FAM3C: variants seen among roughly 807,000 people sequenced by gnomAD.
FAM3C encodes FAM3 metabolism regulating signaling molecule C.
FAM3C carries 15 observed loss-of-function variants against 32.5 expected under a neutral mutation model. The ratio of observed to expected loss-of-function variants is 0.46; its 90% CI spans 0.31 to 0.71. The LOEUF is 0.71. Among genes scored for constraint, FAM3C ranks in the 30% least tolerant of loss-of-function variants. FAM3C has a pLI of 0.05. For synonymous variants in FAM3C, 75 were observed against 86.1 expected (o/e 0.87, Z 0.72); for missense variants, 175 against 274.4 (o/e 0.64, Z 2.56).
intron 8 of FAM3C, among the ~76,000 whole-genome samples, chr7:121,356,453 C>T (rs141420402): frequency 1.3e-5 from 2 of 152,184 alleles, no homozygotes; most frequent in Non-Finnish European, 2.9e-5. Flanking sequence ...TTGGGGAATA[C>T]ACTTACTGTT....
In FAM3C at chr7:121,356,527, A is replaced by C. The variant is rs879461321; in HGVS notation, c.467+3516T>G. Among the ~76,000 whole-genome samples, 40 of 152,228 alleles carry C rather than the reference A, an allele frequency of 2.6e-4. 1 individual carries two copies. The highest frequency in any genetic ancestry group is 2.6e-3 in the Admixed American group (40 of 15,278). On this transcript the variant is annotated intron_variant, in intron 8 of 9. Transcript: ENST00000359943. ...GAATTTAGAGGGAGACCACTCTGAGAATGTAACACTGTACTGTGAATATTT... is the reference window on the plus strand; with the variant it reads ...GAATTTAGAGGGAGACCACTCTGAGCATGTAACACTGTACTGTGAATATTT...
intron 3 of FAM3C, among the ~76,000 whole-genome samples, chr7:121,374,716 ACACTT>A (rs766974426): frequency 3.7e-4 from 57 of 152,370 alleles, no homozygotes; most frequent in Non-Finnish European, 6.9e-4. Context: ...ACAAAGTACT[ACACTT>A]CAGTTTTGAC....
chr7:121,373,323 C>T (rs1794183324), intron 3 of FAM3C, among the ~76,000 whole-genome samples: 1 of 152,066 alleles, frequency 6.6e-6, no homozygotes, highest in Non-Finnish European at 1.5e-5. Flanking sequence ...CATTTTTATC[C>T]AATACACATC....
At chr7:121,358,989 A>G (rs1793870238) in intron 8 of FAM3C, among the ~76,000 whole-genome samples, 1 of 151,992 alleles carries the variant, frequency 6.6e-6, no homozygotes, top group South Asian at 2.1e-4. Context: ...CAAAAGAAAA[A>G]AAAACCACTT....
In FAM3C at chr7:121,350,311, C is replaced by A. The variant is rs1793678317; in HGVS notation, c.*150G>T. The A allele has an allele frequency of 4.5e-6, 3 of 664,458 alleles. No homozygotes were observed. Among genetic ancestry groups the A allele is most frequent in the Non-Finnish European group, 7.7e-6 (3 of 390,354 alleles). The allele number at this position is 664,458 out of a possible 1,614,324, so 41.2% of individuals were successfully genotyped here. A position where few individuals can be genotyped will look rare whatever the true frequency, so the allele number is the denominator to read the frequency against. ...TTACAATGCTATCTATTTACGTTAG[C>A]AATAAATAATCCTGATATCAAAAGA... is the stretch of plus-strand genomic sequence containing the variant. On this transcript the variant is annotated 3_prime_UTR_variant, in exon 10 of 10. Transcript: ENST00000359943.
At chr7:121,372,196 T>G in intron 3 of FAM3C, 57 bp from the exon 4 acceptor site, 1 of 1,188,534 alleles carries the variant, frequency 8.4e-7, no homozygotes. Flanking sequence ...AAGTATCCAC[T>G]TTTAAAATAT....
chr7:121,368,969 GTTGTTTT>G (rs1371880891), intron 5 of FAM3C, among the ~76,000 whole-genome samples: 47 of 117,892 alleles, frequency 4.0e-4, no homozygotes, highest in African/African-American at 1.5e-3. Flanking sequence ...TGTTGTTGTT[GTTGTTTT>G]TTTTTTTTTT....
At chr7:121,366,363 G>A (rs1794024023) in intron 5 of FAM3C, among the ~76,000 whole-genome samples, 1 of 152,022 alleles carries the variant, frequency 6.6e-6, no homozygotes, top group South Asian at 2.1e-4. Flanking sequence ...AGACATAAAA[G>A]GAATGAAGTT....
At chr7:121,393,133 C>T (rs1472085699) in intron 1 of FAM3C, among the ~76,000 whole-genome samples, 1 of 152,090 alleles carries the variant, frequency 6.6e-6, no homozygotes, top group Non-Finnish European at 1.5e-5. Context: ...CGGTTCATAA[C>T]ATCATGAACG....
intron 3 of FAM3C, among the ~76,000 whole-genome samples, chr7:121,378,556 C>A (rs934809720): frequency 6.6e-6 from 1 of 152,088 alleles, no homozygotes; most frequent in South Asian, 2.1e-4. Context: ...TAACTGAGGG[C>A]TAGATTTGGC....
chr7:121,372,035 G>T, intron 4 of FAM3C, 75 bp downstream of exon 4: 2 of 1,081,178 alleles, frequency 1.8e-6, no homozygotes, highest in South Asian at 3.1e-5. Context: ...CTGAACTACT[G>T]ACACTTTGAA....
intron 9 of FAM3C, 46 bp downstream of exon 9, chr7:121,351,097 T>G: frequency 1.9e-6 from 3 of 1,572,932 alleles, no homozygotes; most frequent in Non-Finnish European, 2.6e-6. Flanking sequence ...ACCGTAAGGT[T>G]TCACAGAATT....
chr7:121,353,167 T>C (rs1011473292), intron 8 of FAM3C, among the ~76,000 whole-genome samples: 26 of 152,204 alleles, frequency 1.7e-4, no homozygotes, highest in African/African-American at 6.0e-4. Context: ...AAAAATTCCC[T>C]GCAAAATAGA....
Position 121,360,030 on chromosome 7 carries a change from A to AAAGTTAT in FAM3C, c.467+12_467+13insATAACTT. 1 of 1,345,650 alleles carries AAAGTTAT rather than the reference A, an allele frequency of 7.4e-7. No homozygotes were observed. Among genetic ancestry groups the AAAGTTAT allele is most frequent in the Non-Finnish European group, 1.1e-6 (1 of 941,556 alleles). 83.4% of individuals were successfully genotyped at this position (1,345,650 alleles called of 1,614,324 possible). ...AAATTATAGTTCCAAAAAGTTCTGTAAAGTTTACATACTTGGTTGCTCCAT... is the reference window on the plus strand; with the variant it reads ...AAATTATAGTTCCAAAAAGTTCTGTAAAGTTATAAGTTTACATACTTGGTTGCTCCAT... On this transcript the variant is annotated intron_variant, in intron 8 of 9. Coordinates refer to ENST00000359943, the MANE Select transcript of FAM3C (RefSeq NM_014888.3).
intron 2 of FAM3C, among the ~76,000 whole-genome samples, chr7:121,379,852 TA>T (rs1794314954): frequency 6.6e-6 from 1 of 152,102 alleles, no homozygotes; most frequent in Non-Finnish European, 1.5e-5. Context: ...AATAAAGTCT[TA>T]AAAAATCCGA....
intron 6 of FAM3C, 50 bp downstream of exon 6, chr7:121,364,080 C>T: frequency 8.1e-7 from 1 of 1,229,934 alleles, no homozygotes; most frequent in Non-Finnish European, 1.2e-6. Context: ...TACTTTGGGA[C>T]AGAAAAATAC....
At chr7:121,354,081 G>A (rs1793762105) in intron 8 of FAM3C, among the ~76,000 whole-genome samples, 1 of 152,030 alleles carries the variant, frequency 6.6e-6, no homozygotes, top group South Asian at 2.1e-4. Context: ...TATCTTCTGT[G>A]TAACTAAGTA....
At chr7:121,376,308 G>C (rs748710534) in intron 3 of FAM3C, among the ~76,000 whole-genome samples, 7 of 152,140 alleles carry the variant, frequency 4.6e-5, no homozygotes, top group African/African-American at 7.2e-5. Flanking sequence ...TTCTGTTACT[G>C]GAAAAGATGA....
chr7:121,353,479 T>C (rs780724001), intron 8 of FAM3C, among the ~76,000 whole-genome samples: 1 of 152,234 alleles, frequency 6.6e-6, no homozygotes, highest in African/African-American at 2.4e-5. Context: ...GGCCTGAGCT[T>C]AGAAAGGCCT....
Sources: gnomAD v4.1 joint callset for allele counts (sites outside exome capture counted in the v4.1 genomes callset) on GRCh38, gnomAD v4.1.1 for gene constraint, MANE v1.5 for transcripts, NCBI Gene and HGNC (gene_info 2026-07-23, HGNC 2026-07-21) for gene names.